LMNTD1: variants seen among roughly 807,000 people sequenced by gnomAD.
LMNTD1 encodes lamin tail domain containing 1.
A neutral mutation model predicts 50.9 loss-of-function variants in LMNTD1; 35 were observed. The observed-to-expected ratio is 0.69, with a 90% CI of 0.53 to 0.91. The LOEUF (loss-of-function observed/expected upper bound fraction) is 0.91, where lower values mean the gene tolerates loss of function less well. Ranked by LOEUF, LMNTD1 falls within the 40% of genes least tolerant of loss-of-function variation. The pLI, the probability that LMNTD1 is intolerant of heterozygous loss-of-function variation, is 0.00. For missense variants in LMNTD1, 470 were observed against 475.5 expected (o/e 0.99, Z 0.11); for synonymous variants, 153 against 161.9 (o/e 0.94, Z 0.42).
chr12:25,618,424 T>C (rs1452204082), intron 1 of LMNTD1, among the ~76,000 whole-genome samples: 2 of 152,242 alleles, frequency 1.3e-5, no homozygotes, highest in Non-Finnish European at 2.9e-5. Context: ...GATAGAAGAA[T>C]TTGATACTTG....
At chr12:25,566,760 T>C (rs1280548971) in intron 1 of LMNTD1, among the ~76,000 whole-genome samples, 1 of 152,228 alleles carries the variant, frequency 6.6e-6, no homozygotes, top group East Asian at 1.9e-4. Flanking sequence ...TGATGAACAA[T>C]CCTATCATTG....
intron 6 of LMNTD1, among the ~76,000 whole-genome samples, chr12:25,521,948 T>C (rs1230110578): frequency 6.6e-6 from 1 of 152,180 alleles, no homozygotes; most frequent in Non-Finnish European, 1.5e-5. Context: ...GTATAGACAC[T>C]AACAGTTATA....
At chr12:25,616,221 T>G (rs1320092520) in intron 1 of LMNTD1, among the ~76,000 whole-genome samples, 1 of 152,064 alleles carries the variant, frequency 6.6e-6, no homozygotes, top group Non-Finnish European at 1.5e-5. Flanking sequence ...GTAGGGGAAG[T>G]CTCTAAGAAA....
At chr12:25,478,122 A>G (rs1487762031) in intron 9 of LMNTD1, among the ~76,000 whole-genome samples, 1 of 152,104 alleles carries the variant, frequency 6.6e-6, no homozygotes, top group Non-Finnish European at 1.5e-5. Context: ...CCACTGACTC[A>G]AATGTTAATC....
At chr12:25,556,707 C>T (rs1944058893), upstream of LMNTD1, among the ~76,000 whole-genome samples, 1 of 152,090 alleles carries the variant, frequency 6.6e-6, no homozygotes, top group African/African-American at 2.4e-5. Flanking sequence ...GTAATGAAAA[C>T]TGAGTTTCAT....
chr12:25,606,209 C>T (rs1336741726), intron 1 of LMNTD1, among the ~76,000 whole-genome samples: 2 of 152,142 alleles, frequency 1.3e-5, no homozygotes, highest in African/African-American at 2.4e-5. Context: ...GCTGAAGTTG[C>T]TTATCAGCTT....
At chr12:25,483,222 G>A (rs1938501202) in intron 9 of LMNTD1, among the ~76,000 whole-genome samples, 1 of 151,118 alleles carries the variant, frequency 6.6e-6, no homozygotes, top group South Asian at 2.1e-4. Context: ...CTCAGAAGTT[G>A]GAGACCAGCC....
chr12:25,627,958 A>G (rs1946626890), intron 1 of LMNTD1, among the ~76,000 whole-genome samples: 2 of 151,354 alleles, frequency 1.3e-5, no homozygotes, highest in East Asian at 3.9e-4. Context: ...AAATACAAAA[A>G]TTAGCCGGGC....
At chr12:25,487,350 A>G in intron 9 of LMNTD1, among the ~76,000 whole-genome samples, 1 of 135,812 alleles carries the variant, frequency 7.4e-6, no homozygotes, top group Non-Finnish European at 1.6e-5. Flanking sequence ...TAGGATAGTT[A>G]GCTCTTCTTG....
rs917427872 is a variant in LMNTD1 at position 25,565,493 on chromosome 12, G to A, written c.59-18939C>T. Among the ~76,000 whole-genome samples the A allele has an allele frequency of 7.9e-5, 12 of 152,206 alleles. 1 individual carries two copies. Among genetic ancestry groups the A allele is most frequent in the African/African-American group, 2.9e-4 (12 of 41,534 alleles). On this transcript the variant is annotated intron_variant, in intron 1 of 7. Transcript: ENST00000445693. Reference sequence around the variant, plus strand: ...AATAAAGACTCTGTGCCTTAACTTTGTCCCCAACTTTTTCACATTTTGTTG... The same window carrying A: ...AATAAAGACTCTGTGCCTTAACTTTATCCCCAACTTTTTCACATTTTGTTG...
At chr12:25,486,621 G>T (rs1399937239) in intron 9 of LMNTD1, among the ~76,000 whole-genome samples, 1 of 149,342 alleles carries the variant, frequency 6.7e-6, no homozygotes, top group Admixed American at 6.7e-5. Flanking sequence ...TGCCCATTCA[G>T]TATGATATTG....
At chr12:25,579,533 G>A (rs1489005159) in intron 1 of LMNTD1, among the ~76,000 whole-genome samples, 1 of 152,088 alleles carries the variant, frequency 6.6e-6, no homozygotes, top group Admixed American at 6.6e-5. Flanking sequence ...AATAGGGCAG[G>A]TGCTATCAGT....
At chr12:25,562,945 G>A (rs1944398429) in intron 1 of LMNTD1, among the ~76,000 whole-genome samples, 1 of 152,150 alleles carries the variant, frequency 6.6e-6, no homozygotes. Context: ...TGAAGCTTGT[G>A]TATGCATCAC....
At position 25,495,256 on chromosome 12, in the gene LMNTD1, G is replaced by GTGTGTGTA. The variant is rs747912369; in HGVS notation, c.*22+8481_*22+8482insTACACACA. Reference sequence around the variant, plus strand: ...AAAATCATAAAGTGTGTACGTGTGTGTGTGTGTGTGTGTGTGTGTGTGTGT... The same window carrying GTGTGTGTA: ...AAAATCATAAAGTGTGTACGTGTGTGTGTGTGTATGTGTGTGTGTGTGTGTGTGTGTGT... On this transcript the variant is annotated intron_variant, in intron 9 of 9. Transcript: ENST00000458174. Among the ~76,000 whole-genome samples, 237 of 149,466 alleles carry GTGTGTGTA rather than the reference G, an allele frequency of 1.6e-3. 5 individuals carry two copies. The East Asian group carries it at 0.022, about 14-fold the overall frequency.
intron 4 of LMNTD1, among the ~76,000 whole-genome samples, chr12:25,542,621 A>T (rs760611788): frequency 2.0e-5 from 3 of 151,710 alleles, no homozygotes; most frequent in Non-Finnish European, 4.4e-5. Context: ...ACCTAATGCT[A>T]GATGACGAGT....
intron 7 of LMNTD1, 32 bp downstream of exon 7, chr12:25,519,826 C>T: frequency 7.1e-7 from 1 of 1,414,814 alleles, no homozygotes; most frequent in Non-Finnish European, 1.0e-6. Flanking sequence ...TGGGAAGGAC[C>T]CATTAAAACA....
At chr12:25,486,445 T>G (rs1409882815) in intron 9 of LMNTD1, among the ~76,000 whole-genome samples, 1 of 148,964 alleles carries the variant, frequency 6.7e-6, no homozygotes, top group Non-Finnish European at 1.5e-5. Context: ...TCATGTCGTC[T>G]GCAAACAGGG....
At chr12:25,556,864 C>A (rs1024504424), upstream of LMNTD1, among the ~76,000 whole-genome samples, 17 of 152,156 alleles carry the variant, frequency 1.1e-4, no homozygotes, top group African/African-American at 3.9e-4. Flanking sequence ...TAGTTCTCTG[C>A]CTCCACATGT....
rs1034870774 is a variant in LMNTD1 at position 25,576,376 on chromosome 12, C to T, written c.59-29822G>A. Among the ~76,000 whole-genome samples, 98 of 152,216 alleles carry T rather than the reference C, an allele frequency of 6.4e-4. 1 individual carries two copies. The highest frequency in any genetic ancestry group is 1.1e-3 in the Non-Finnish European group (72 of 68,018). ...TGTTGTTTCCTGACTTTTTAATGAT[C>T]GCCATTCTAACTGGTGTGAGATGGT... On this transcript the variant is annotated intron_variant, in intron 1 of 7. Coordinates refer to the LMNTD1 transcript ENST00000445693.
Sources: gnomAD v4.1 joint callset for allele counts (sites outside exome capture counted in the v4.1 genomes callset) on GRCh38, gnomAD v4.1.1 for gene constraint, MANE v1.5 for transcripts, NCBI Gene and HGNC (gene_info 2026-07-23, HGNC 2026-07-21) for gene names.